CFLAR: variants seen among roughly 807,000 people sequenced by gnomAD.
The protein encoded by CFLAR is CASP8 and FADD-like apoptosis regulator.
Under a neutral mutation model 51.1 loss-of-function variants are expected in CFLAR, and 14 were observed. The ratio of observed to expected loss-of-function variants is 0.27; its 90% confidence interval spans 0.18 to 0.43. The LOEUF (loss-of-function observed/expected upper bound fraction) is 0.43. Among genes scored for constraint, CFLAR ranks in the 20% least tolerant of loss-of-function variants. The pLI is 1.00. For missense variants in CFLAR, 390 were observed against 566.5 expected, an observed-to-expected ratio of 0.69 and a Z score of 3.16; for synonymous variants, 210 against 211.6, an observed-to-expected ratio of 0.99 and a Z score of 0.06.
chr2:201,166,949 C>G lies in CFLAR; in HGVS notation c.*2976C>G, dbSNP rs565815344. On this transcript the variant is annotated 3_prime_UTR_variant, in exon 10 of 10. Transcript: ENST00000309955. ...CTTCGGCTCGGCATCAGAGGGAGAC[C>G]GTGGGGAGAGGGAGAAGAGAGGGAG... is the stretch of plus-strand genomic sequence containing the variant. 1 of 150,892 alleles carries G rather than the reference C, an allele frequency of 6.6e-6. No homozygotes were observed. Among genetic ancestry groups the G allele is most frequent in the Non-Finnish European group, 1.5e-5 (1 of 67,476 alleles). 9.3% of individuals were successfully genotyped at this position (150,892 alleles called of 1,614,324 possible).
At position 201,139,404 on chromosome 2, in the gene CFLAR, C is replaced by A. The variant is rs1417616324; in HGVS notation, c.524-953C>A. The A allele has an allele frequency of 2.1e-5, 4 of 187,854 alleles. No homozygotes were observed. The East Asian group carries it at 5.9e-4, about 28-fold the overall frequency. 11.6% of individuals were successfully genotyped at this position (187,854 alleles called of 1,614,324 possible). A position where few individuals can be genotyped will look rare whatever the true frequency, so the allele number is the denominator to read the frequency against. On this transcript the variant is annotated intron_variant, in intron 4 of 9. Transcript: ENST00000309955. ...TGGGAAGGGAAAGACCTGACCGTCC[C>A]CCAGCCCGACACCCATAAAGGGTCT... is the stretch of plus-strand genomic sequence containing the variant.
At position 201,166,771 on chromosome 2, in the gene CFLAR, C is replaced by G. The variant is rs1943627114; in HGVS notation, c.*2798C>G. 6.2e-6 allele frequency: 1 copy of G among 162,356 alleles called. No individual in the cohort carries two copies. Among genetic ancestry groups the G allele is most frequent in the South Asian group, 1.5e-4 (1 of 6,756 alleles). 10.1% of individuals were successfully genotyped at this position (162,356 alleles called of 1,614,324 possible). On this transcript the variant is annotated 3_prime_UTR_variant, in exon 10 of 10. Coordinates refer to ENST00000309955, the MANE Select transcript of CFLAR (RefSeq NM_003879.7). ...CTCGCAGTCAGGAGCTGGAGACCAG[C>G]CCGGCCAACACAGTGAAACCCTGTC...
intron 5 of CFLAR, chr2:201,144,268 C>T (rs1025254058): frequency 1.3e-5 from 2 of 152,206 alleles, no homozygotes; most frequent in African/African-American, 4.8e-5. Context: ...GGGTTGACAG[C>T]ATGTGGTATG....
At chr2:201,145,282 G>C in intron 5 of CFLAR, 96 bp from the exon 6 acceptor site, 1 of 684,762 alleles carries the variant, frequency 1.5e-6, no homozygotes. Flanking sequence ...TTTTTCCTGA[G>C]TTAAGAATCC....
rs2125742553 is a variant in CFLAR, at chr2:201,138,979, A to G, written c.524-1378A>G. The G allele has an allele frequency of 1.8e-6, 1 of 559,530 alleles. No individual in the cohort carries two copies. Among genetic ancestry groups the G allele is most frequent in the Non-Finnish European group, 3.5e-6 (1 of 289,014 alleles). 34.7% of individuals were successfully genotyped at this position (559,530 alleles called of 1,614,324 possible). On this transcript the variant is annotated intron_variant, in intron 4 of 9. Transcript: ENST00000309955. The surrounding 1 kb of genome is among the most constrained non-coding windows in gnomAD (Gnocchi z 4.0). ...AGTCGTTGTAGGTGAGTCCCTGGTC[A>G]CTGGCGAAGAGCTGCTGCACGGTGT...
chr2:201,158,669 G>A (rs1011079508), intron 8 of CFLAR, among the ~76,000 whole-genome samples: 33 of 152,196 alleles, frequency 2.2e-4, no homozygotes, highest in African/African-American at 4.8e-4. Context: ...TGCACCCTCA[G>A]AGGAGATGGC....
At chr2:201,160,262 T>C (rs1383689125) in intron 8 of CFLAR, among the ~76,000 whole-genome samples, 170 bp from the exon 9 acceptor site, 2 of 152,118 alleles carry the variant, frequency 1.3e-5, no homozygotes, top group African/African-American at 4.8e-5. Context: ...TCTTTCATGA[T>C]TCATGTGGTT....
At chr2:201,146,445 C>G (rs1329451150) in intron 6 of CFLAR, 3 of 152,112 alleles carry the variant, frequency 2.0e-5, no homozygotes, top group African/African-American at 7.2e-5. Flanking sequence ...TGGCGCCCAG[C>G]CTAATTTTTG....
At chr2:201,128,265 C>T (rs1461558821) in intron 1 of CFLAR, among the ~76,000 whole-genome samples, 1 of 152,138 alleles carries the variant, frequency 6.6e-6, no homozygotes, top group African/African-American at 2.4e-5. Context: ...GATTAAAGCA[C>T]TGTTGGCCTG....
chr2:201,154,092 A>G (rs1427865153), intron 8 of CFLAR: 9 of 286,730 alleles, frequency 3.1e-5, no homozygotes, highest in African/African-American at 2.2e-4. Flanking sequence ...TTCTTTTTAT[A>G]TTTTTAATTT....
In CFLAR at chr2:201,169,899, A is replaced by G. The variant is rs1250526271; in HGVS notation, c.*5926A>G. ...TAGAGAAATGCAAAGGAGAACCACA[A>G]TGAGATACCATCTCATGCCGGTCAG... On this transcript the variant is annotated 3_prime_UTR_variant, in exon 10 of 10. Coordinates refer to ENST00000309955, the MANE Select transcript of CFLAR (RefSeq NM_003879.7). 2 of 152,232 alleles carry G rather than the reference A, an allele frequency of 1.3e-5. No individual in the cohort carries two copies. The highest frequency in any genetic ancestry group is 2.9e-5 in the Non-Finnish European group (2 of 68,036). The allele number at this position is 152,232 out of a possible 1,614,324, so 9.4% of individuals were successfully genotyped here.
chr2:201,145,428 T>C lies in CFLAR; in HGVS notation c.657T>C (p.Ala219=). The C allele has an allele frequency of 6.3e-7, 1 of 1,597,010 alleles. No individual in the cohort carries two copies. Among genetic ancestry groups the C allele is most frequent in the Non-Finnish European group, 8.6e-7 (1 of 1,165,430 alleles). ...KEQRLKEQLG[A]QQEPVKKSIQ... ...AAAGACTTAAGGAACAGCTTGGCGC[T>C]CAACGTAAGACCACCTTTTTTTAAT... The change falls in exon 6 of 10, where the codon GCT becomes GCC. Residue 219 remains alanine, a synonymous_variant. Transcript: ENST00000309955.
At chr2:201,123,799 C>T (rs1263951128) in intron 1 of CFLAR, among the ~76,000 whole-genome samples, 1 of 152,178 alleles carries the variant, frequency 6.6e-6, no homozygotes, top group African/African-American at 2.4e-5. Flanking sequence ...AAGATGAATG[C>T]ACAAAACTTC....
In CFLAR at chr2:201,174,007, T is replaced by C. The variant is rs1013572964; in HGVS notation, c.*10034T>C. On this transcript the variant is annotated 3_prime_UTR_variant, in exon 10 of 10. Coordinates refer to ENST00000309955, the MANE Select transcript of CFLAR (RefSeq NM_003879.7). The stretch of plus-strand genomic sequence containing the variant: ...TTATTGTTGAGTTGTAAGCATTCTT[T>C]TTAATATTCTGGATACTAGTTTCTT... The C allele has an allele frequency of 6.6e-6, 1 of 152,240 alleles. No individual in the cohort carries two copies. The highest frequency in any genetic ancestry group is 6.5e-5 in the Admixed American group (1 of 15,280). 9.4% of individuals were successfully genotyped at this position (152,240 alleles called of 1,614,324 possible). A position where few individuals can be genotyped will look rare whatever the true frequency, so the allele number is the denominator to read the frequency against.
intron 9 of CFLAR, chr2:201,163,309 C>A: frequency 8.0e-7 from 1 of 1,246,150 alleles, no homozygotes; most frequent in Non-Finnish European, 1.0e-6. Context: ...TGAATGAAGC[C>A]ACAATGTACC....
chr2:201,123,230 A>C (rs961641884), intron 1 of CFLAR, among the ~76,000 whole-genome samples: 1 of 152,200 alleles, frequency 6.6e-6, no homozygotes, highest in Non-Finnish European at 1.5e-5. Context: ...GAACCAAGGA[A>C]GTTATTGGCG....
chr2:201,136,299 C>T (rs1366468208), intron 4 of CFLAR, 192 bp downstream of exon 4: 1 of 1,599,170 alleles, frequency 6.3e-7, no homozygotes, highest in Non-Finnish European at 8.5e-7. Flanking sequence ...AACTCCATTG[C>T]CCTGTATATT....
rs1399030068 is a variant in CFLAR at position 201,176,556 on chromosome 2, AATT to A, written c.*12586_*12588del. The A allele has an allele frequency of 1.3e-5, 2 of 152,146 alleles. No homozygotes were observed. The highest frequency in any genetic ancestry group is 2.9e-5 in the Non-Finnish European group (2 of 68,026). 9.4% of individuals were successfully genotyped at this position (152,146 alleles called of 1,614,324 possible). A position where few individuals can be genotyped will look rare whatever the true frequency, so the allele number is the denominator to read the frequency against. Reference sequence around the variant, plus strand: ...CTAAGTCATATGCTTCCTTCTGAAAAATTATGTCAAATACTAGCAGTTTCTCAC... The same window carrying A: ...CTAAGTCATATGCTTCCTTCTGAAAAATGTCAAATACTAGCAGTTTCTCAC... On this transcript the variant is annotated 3_prime_UTR_variant, in exon 10 of 10. Transcript: ENST00000309955.
chr2:201,127,596 A>G (rs1211108260), intron 1 of CFLAR, among the ~76,000 whole-genome samples: 1 of 152,198 alleles, frequency 6.6e-6, no homozygotes, highest in Non-Finnish European at 1.5e-5. Context: ...TTCGGACCCC[A>G]GCCCTACCTC....
Sources: gnomAD v4.1 joint callset for allele counts (sites outside exome capture counted in the v4.1 genomes callset) on GRCh38, gnomAD v4.1.1 for gene constraint, Gnocchi (gnomAD v3.1) non-coding constraint, MANE v1.5 for transcripts, NCBI Gene and HGNC (gene_info 2026-07-23, HGNC 2026-07-21) for gene names.